Variants in LYRM4 observed in about 807,000 individuals in gnomAD.
The protein encoded by LYRM4 is LYR motif containing 4.
A neutral mutation model predicts 11.7 loss-of-function variants in LYRM4; 9 were observed. That is an observed-to-expected ratio of 0.77 (90% CI 0.46 to 1.34). LYRM4 has a LOEUF of 1.34. Ranked by LOEUF, LYRM4 falls within the 40% of genes most tolerant of loss-of-function variation. LYRM4 has a pLI of 0.00. For missense variants in LYRM4, 133 were observed against 112.5 expected (o/e 1.18, Z -0.82); for synonymous variants, 42 against 40.4 (o/e 1.04, Z -0.15).
chr6:5,206,153 C>A (rs1761684126), intron 2 of LYRM4, among the ~76,000 whole-genome samples: 1 of 152,226 alleles, frequency 6.6e-6, no homozygotes, highest in Non-Finnish European at 1.5e-5. Context: ...TGGTCAAAAT[C>A]CAGCATTCAC....
chr6:5,126,456 T>A (rs931326400), intron 2 of LYRM4, among the ~76,000 whole-genome samples: 1 of 152,068 alleles, frequency 6.6e-6, no homozygotes, highest in South Asian at 2.1e-4. Context: ...GCAACTGAAG[T>A]ACAGTGCAAG....
At chr6:5,062,810 C>A in the LYRM4 span, among the ~76,000 whole-genome samples, 1 of 152,224 alleles carries the variant, frequency 6.6e-6, no homozygotes, top group African/African-American at 2.4e-5. Flanking sequence ...ATTAGAACCT[C>A]ATGGGAGAGG....
chr6:5,039,776 GA>G, the LYRM4 span, among the ~76,000 whole-genome samples: 1 of 152,110 alleles, frequency 6.6e-6, no homozygotes, highest in South Asian at 2.1e-4. Context: ...TAAATGAGGT[GA>G]AAAGGACCAA....
intron 2 of LYRM4, among the ~76,000 whole-genome samples, chr6:5,120,130 C>T (rs1418248478): frequency 5.9e-5 from 9 of 152,030 alleles, no homozygotes; most frequent in Non-Finnish European, 1.5e-5. Flanking sequence ...CTCCTGACCT[C>T]GGGATCCATC....
chr6:5,110,875 A>T (rs1310618257), intron 2 of LYRM4, among the ~76,000 whole-genome samples: 1 of 152,186 alleles, frequency 6.6e-6, no homozygotes, highest in Non-Finnish European at 1.5e-5. Flanking sequence ...CGCAACCTGC[A>T]GGTAATGCTG....
At chr6:5,118,094 A>ATTTT (rs1554126847) in intron 2 of LYRM4, among the ~76,000 whole-genome samples, 2 of 86,114 alleles carry the variant, frequency 2.3e-5, no homozygotes, top group African/African-American at 7.8e-5. Flanking sequence ...ATATATATAT[A>ATTTT]TTTTTGTTTT....
At chr6:5,194,284 CA>C (rs1451932551) in intron 2 of LYRM4, among the ~76,000 whole-genome samples, 2 of 152,142 alleles carry the variant, frequency 1.3e-5, no homozygotes, top group Non-Finnish European at 2.9e-5. Flanking sequence ...TTGAAGGATA[CA>C]TATTTGAAGG....
chr6:5,123,524 T>C (rs367810078), intron 2 of LYRM4, among the ~76,000 whole-genome samples: 2 of 152,198 alleles, frequency 1.3e-5, no homozygotes, highest in Non-Finnish European at 2.9e-5. Flanking sequence ...GGCCGGGGTA[T>C]AGGACAAAAC....
chr6:5,260,496 C>T (rs1764986901), intron 1 of LYRM4, 152 bp downstream of exon 1: 2 of 1,041,982 alleles, frequency 1.9e-6, no homozygotes, highest in Non-Finnish European at 2.7e-6. Flanking sequence ...TAGGCAGGAG[C>T]ACGCTTTTCG....
chr6:5,121,043 G>T (rs1164790571), intron 2 of LYRM4, among the ~76,000 whole-genome samples: 2 of 152,210 alleles, frequency 1.3e-5, no homozygotes, highest in Non-Finnish European at 2.9e-5. Context: ...ATGAGAAGCA[G>T]TGCTCATCTA....
intron 2 of LYRM4, among the ~76,000 whole-genome samples, chr6:5,125,051 G>A (rs796464516): frequency 6.6e-5 from 10 of 152,296 alleles, no homozygotes; most frequent in African/African-American, 2.4e-4. Context: ...CTAAGAGGCT[G>A]GGAAGCCAGT....
chr6:5,172,079 G>A (rs1759461892), intron 2 of LYRM4, among the ~76,000 whole-genome samples: 1 of 152,104 alleles, frequency 6.6e-6, no homozygotes, highest in Admixed American at 6.5e-5. Flanking sequence ...AGAATGCAAA[G>A]AGTCAACACC....
At chr6:5,202,895 T>C (rs536244111) in intron 2 of LYRM4, among the ~76,000 whole-genome samples, 6 of 152,176 alleles carry the variant, frequency 3.9e-5, no homozygotes, top group Non-Finnish European at 5.9e-5. Flanking sequence ...TAGCATATAA[T>C]TCATTTGGCA....
intron 2 of LYRM4, among the ~76,000 whole-genome samples, chr6:5,158,473 G>GTTT (rs3055917): frequency 1.9e-4 from 25 of 128,548 alleles, no homozygotes; most frequent in African/African-American, 7.0e-4. Flanking sequence ...TGGTCTCCAC[G>GTTT]TTTTTTTTTT....
chr6:5,260,673 T>C lies in LYRM4; in HGVS notation c.61A>G (p.Lys21Glu), dbSNP rs1002996135. Residue 21 changes from lysine (K) to glutamate (E), a missense_variant, in exon 1 of 3, where the codon AAG becomes GAG. Physicochemically the swap from Lys to Glu is moderately conservative, Grantham distance 56 (BLOSUM62 1). Coordinates refer to ENST00000330636, the MANE Select transcript of LYRM4 (RefSeq NM_020408.6). ...CTGTAATTGTAGGCGCTGAAACGCTTGCTCTCTCTCAGCATCGCCCGGTAC... is the reference window on the plus strand; with the variant it reads ...CTGTAATTGTAGGCGCTGAAACGCTCGCTCTCTCTCAGCATCGCCCGGTAC... Reference protein sequence around the residue: ...SLYRAMLRESKRFSAYNYRTY... With the variant: ...SLYRAMLRESERFSAYNYRTY... 20 of 1,534,418 alleles carry C rather than the reference T, an allele frequency of 1.3e-5. No homozygotes were observed. Among genetic ancestry groups the C allele is most frequent in the African/African-American group, 1.4e-5 (1 of 72,592 alleles).
chr6:5,131,776 T>C (rs868449075), intron 2 of LYRM4, among the ~76,000 whole-genome samples: 3 of 152,250 alleles, frequency 2.0e-5, no homozygotes, highest in African/African-American at 7.2e-5. Flanking sequence ...GAGCTGTCCA[T>C]AGCTTTTTGC....
chr6:5,259,908 G>GA (rs1337825575), intron 1 of LYRM4, among the ~76,000 whole-genome samples: 3 of 152,150 alleles, frequency 2.0e-5, no homozygotes, highest in African/African-American at 4.8e-5. Context: ...CTCTGAATTA[G>GA]AAAAAACATA....
chr6:5,033,508 TCA>T, the LYRM4 span: 1 of 152,086 alleles, frequency 6.6e-6, no homozygotes, highest in African/African-American at 2.4e-5. Context: ...GACCCGAGAC[TCA>T]CAGGGGTCTC....
chr6:5,219,442 T>A (rs1032931531), intron 1 of LYRM4, among the ~76,000 whole-genome samples: 8 of 152,220 alleles, frequency 5.3e-5, no homozygotes, highest in African/African-American at 1.9e-4. Flanking sequence ...GCTGTAATGG[T>A]TCCCTCCTCT....
Sources: gnomAD v4.1 joint callset for allele counts (sites outside exome capture counted in the v4.1 genomes callset) on GRCh38, gnomAD v4.1.1 for gene constraint, MANE v1.5 for transcripts, NCBI Gene and HGNC (gene_info 2026-07-23, HGNC 2026-07-21) for gene names.